GNAI1: variants seen among roughly 807,000 people sequenced by gnomAD.
GNAI1 encodes the protein G protein subunit alpha i1, also known as guanine nucleotide-binding protein G(i) subunit alpha-1.
GNAI1 carries 11 observed loss-of-function variants against 38.9 expected under a neutral mutation model. That is an observed-to-expected ratio of 0.28 (90% CI 0.18 to 0.47). The LOEUF is 0.47. GNAI1 is among the 20% of genes least tolerant of loss of function. The pLI, the probability that GNAI1 is intolerant of heterozygous loss-of-function variation, is 0.99. For synonymous variants in GNAI1, 166 were observed against 145.1 expected (o/e 1.14, Z -1.04); for missense variants, 317 against 436.9 (o/e 0.73, Z 2.45).
intron 1 of GNAI1, among the ~76,000 whole-genome samples, chr7:80,146,938 T>A (rs983014313): frequency 6.6e-6 from 1 of 151,876 alleles, no homozygotes; most frequent in African/African-American, 2.4e-5. Context: ...TAGTTAAACT[T>A]CTTCTAATGT....
At chr7:80,147,810 A>C (rs1346822175) in intron 1 of GNAI1, among the ~76,000 whole-genome samples, 1 of 152,216 alleles carries the variant, frequency 6.6e-6, no homozygotes, top group Non-Finnish European at 1.5e-5. Flanking sequence ...TACTTTCATC[A>C]TAATATCATT....
chr7:80,166,164 A>G (rs571536386), intron 1 of GNAI1, among the ~76,000 whole-genome samples: 36 of 152,302 alleles, frequency 2.4e-4, no homozygotes, highest in Middle Eastern at 6.8e-3. Context: ...TTAACAACAG[A>G]TTACATTTTG....
chr7:80,194,027 C>G (rs1788526359), intron 3 of GNAI1, among the ~76,000 whole-genome samples: 1 of 152,126 alleles, frequency 6.6e-6, no homozygotes, highest in Non-Finnish European at 1.5e-5. Context: ...TATTTACTTT[C>G]ATTAGTTAGT....
intron 7 of GNAI1, among the ~76,000 whole-genome samples, chr7:80,215,133 C>T (rs1245195189): frequency 6.6e-6 from 1 of 152,148 alleles, no homozygotes; most frequent in Non-Finnish European, 1.5e-5. Context: ...TACCTTTGTT[C>T]AGGACAATTC....
chr7:80,207,120 A>G (rs1788789373), intron 5 of GNAI1, among the ~76,000 whole-genome samples: 2 of 152,102 alleles, frequency 1.3e-5, no homozygotes, highest in Admixed American at 6.6e-5. Flanking sequence ...TTAACAGGCT[A>G]TTACAGTTTT....
chr7:80,191,354 G>A (rs1452404793), intron 3 of GNAI1, among the ~76,000 whole-genome samples: 5 of 151,930 alleles, frequency 3.3e-5, no homozygotes, highest in Non-Finnish European at 5.9e-5. Context: ...TGGAAAAAGC[G>A]TTGTATGAAT....
chr7:80,184,165 G>GA (rs1358224575), intron 1 of GNAI1, among the ~76,000 whole-genome samples: 1 of 152,296 alleles, frequency 6.6e-6, no homozygotes, highest in East Asian at 1.9e-4. Flanking sequence ...CTCCTCAGAA[G>GA]AAAGAATTCG....
rs999543223 is a variant in GNAI1, at chr7:80,222,826, A to C, written c.*5333A>C. Among the ~76,000 whole-genome samples the C allele has an allele frequency of 6.6e-6, 1 of 152,176 alleles. No homozygotes were observed. The highest frequency in any genetic ancestry group is 2.4e-5 in the African/African-American group (1 of 41,446). On this transcript the variant is annotated 3_prime_UTR_variant, in exon 8 of 8. Transcript: ENST00000649796. ...TAGAAGAAAGTACAGGTGCTCCTTG[A>C]CTTACCGTGGGTTAAGTCCTGAAAA... is the stretch of plus-strand genomic sequence containing the variant.
intron 5 of GNAI1, among the ~76,000 whole-genome samples, chr7:80,207,124 C>T (rs1788789445): frequency 1.3e-5 from 2 of 152,060 alleles, no homozygotes; most frequent in African/African-American, 2.4e-5. Context: ...CAGGCTATTA[C>T]AGTTTTGCTC....
In GNAI1 at chr7:80,179,635, G is replaced by C. The variant is rs527288315; in HGVS notation, c.119-9316G>C. On this transcript the variant is annotated intron_variant, in intron 1 of 7. Transcript: ENST00000649796. The stretch of plus-strand genomic sequence containing the variant: ...TTCAGTGTCTGAGACTTTCCCCTAC[G>C]TACAAGCTAACAATTTACCATATCA... 3.9e-5 allele frequency among the ~76,000 whole-genome samples: 6 copies of C among 152,232 alleles called. No individual in the cohort carries two copies. In the South Asian group the frequency reaches 1.2e-3, roughly 32 times the overall value.
chr7:80,143,797 A>G (rs948881069), intron 1 of GNAI1, among the ~76,000 whole-genome samples: 2 of 152,154 alleles, frequency 1.3e-5, no homozygotes, highest in Admixed American at 1.3e-4. Flanking sequence ...ATTATAGGCT[A>G]TTATTATAAA....
chr7:80,206,084 G>T (rs991848836), intron 5 of GNAI1, among the ~76,000 whole-genome samples: 1 of 151,998 alleles, frequency 6.6e-6, no homozygotes, highest in African/African-American at 2.4e-5. Context: ...TATATGCAAC[G>T]ATACTTCTGA....
chr7:80,173,084 A>G (rs1788123775), intron 1 of GNAI1, among the ~76,000 whole-genome samples: 2 of 152,094 alleles, frequency 1.3e-5, no homozygotes, highest in East Asian at 3.9e-4. Context: ...AATGGAACTG[A>G]TGGGTACTGG....
At chr7:80,185,524 G>C (rs1242883827) in intron 1 of GNAI1, among the ~76,000 whole-genome samples, 1 of 152,040 alleles carries the variant, frequency 6.6e-6, no homozygotes, top group South Asian at 2.1e-4. Flanking sequence ...TTCGTTGACC[G>C]TTCAATCTGT....
At chr7:80,211,204 C>A in intron 6 of GNAI1, 106 bp downstream of exon 6, 1 of 908,768 alleles carries the variant, frequency 1.1e-6, no homozygotes, top group East Asian at 2.6e-5. Context: ...CAGGGTCTTT[C>A]CTCTAACTTT....
chr7:80,154,017 G>A (rs1461006779), intron 1 of GNAI1, among the ~76,000 whole-genome samples: 1 of 152,080 alleles, frequency 6.6e-6, no homozygotes, highest in African/African-American at 2.4e-5. Context: ...CGACTTCTCA[G>A]GCTCAAGCGA....
intron 1 of GNAI1, among the ~76,000 whole-genome samples, chr7:80,166,273 A>G (rs1788008312): frequency 6.6e-6 from 1 of 152,180 alleles, no homozygotes; most frequent in African/African-American, 2.4e-5. Flanking sequence ...TTGTATTGGA[A>G]ACATAGGTAG....
At chr7:80,144,981 C>T (rs578232145) in intron 1 of GNAI1, among the ~76,000 whole-genome samples, 1 of 152,196 alleles carries the variant, frequency 6.6e-6, no homozygotes, top group South Asian at 2.1e-4. Flanking sequence ...TAAGATGGTG[C>T]TCCTCTAATT....
intron 1 of GNAI1, among the ~76,000 whole-genome samples, chr7:80,186,149 C>T (rs1298392851): frequency 4.0e-5 from 6 of 151,160 alleles, no homozygotes; most frequent in African/African-American, 1.5e-4. Flanking sequence ...TCTTCTGCCT[C>T]AGCCTCCCGA....
Sources: gnomAD v4.1 joint callset for allele counts (sites outside exome capture counted in the v4.1 genomes callset) on GRCh38, gnomAD v4.1.1 for gene constraint, MANE v1.5 for transcripts, NCBI Gene and HGNC (gene_info 2026-07-23, HGNC 2026-07-21) for gene names.